The following RYR3 variants were observed in gnomAD, a reference collection of about 807,000 sequenced individuals.
The protein encoded by RYR3 is ryanodine receptor 3.
Under a neutral mutation model 584.3 loss-of-function variants are expected in RYR3, and 207 were observed. The observed-to-expected ratio is 0.35, with a 90% CI of 0.32 to 0.40. The LOEUF is 0.40. RYR3 is among the 10% of genes least tolerant of loss of function. The pLI, the probability that RYR3 is intolerant of heterozygous loss-of-function variation, is 1.00. For synonymous variants in RYR3, 2,416 were observed against 2,248.5 expected, an observed-to-expected ratio of 1.07 and a Z score of -2.11; for missense variants, 5,616 against 6,089.2, an observed-to-expected ratio of 0.92 and a Z score of 2.59.
In RYR3 at chr15:33,662,911, T is replaced by G; in HGVS notation, c.5381T>G (p.Leu1794Trp). Residue 1794 changes from leucine to tryptophan, a missense_variant, in exon 35 of 104, where the codon TTG becomes TGG. Around this residue, in one of 9 missense-constraint regions of RYR3, gnomAD observed 753 missense variants for 741.0 expected, o/e 1.02. Coordinates refer to ENST00000634891, the MANE Select transcript of RYR3 (RefSeq NM_001036.6). ...KAGKEAPVKG[L>W]LQTRLPESVK... ...GGCAAGGAGGCTCCTGTCAAAGGCT[T>G]GTTGCAGACTCGATTACCCGAATCC... 6.2e-7 allele frequency: 1 copy of G among 1,613,160 alleles called. No homozygotes were observed.
intron 1 of RYR3, among the ~76,000 whole-genome samples, chr15:33,369,496 T>C (rs530050254): frequency 2.6e-5 from 4 of 152,320 alleles, no homozygotes; most frequent in African/African-American, 7.2e-5. Flanking sequence ...AGTTTCTGTC[T>C]CTGTGTTTGA....
At chr15:33,554,888 G>T (rs910659367) in intron 10 of RYR3, among the ~76,000 whole-genome samples, 1 of 152,156 alleles carries the variant, frequency 6.6e-6, no homozygotes, top group Non-Finnish European at 1.5e-5. Context: ...TCAGGGAAGG[G>T]TGAATTAATA....
In RYR3 at chr15:33,701,075, G is replaced by A. The variant is rs771787332; in HGVS notation, c.6478G>A (p.Glu2160Lys). The change falls in exon 42 of 104, where the codon GAG becomes AAG. Residue 2160 changes from glutamate (E) to lysine (K), a missense_variant. Coordinates refer to ENST00000634891, the MANE Select transcript of RYR3 (RefSeq NM_001036.6). ...GCTGAGCTTAGAGGAACCAGACCTC[G>A]AGAAGGTAACCGGCCCTTGGGGTGG... The part of the protein sequence containing the change: ...LALSLEEPDL[E>K]KVVTYLAGCG... The A allele has an allele frequency of 5.0e-6, 8 of 1,610,656 alleles. No individual in the cohort carries two copies. The highest frequency in any genetic ancestry group is 2.2e-5 in the South Asian group (2 of 90,268).
chr15:33,408,081 G>A (rs184637484), intron 1 of RYR3, among the ~76,000 whole-genome samples: 2 of 151,532 alleles, frequency 1.3e-5, no homozygotes, highest in East Asian at 3.9e-4. Flanking sequence ...CTGGTATATT[G>A]CATGATGCTG....
chr15:33,861,557 C>A (rs990506488), intron 102 of RYR3, among the ~76,000 whole-genome samples: 9 of 151,666 alleles, frequency 5.9e-5, no homozygotes, highest in Non-Finnish European at 1.0e-4. Flanking sequence ...ACTTCTTTTT[C>A]CCTTTCAGCA....
intron 1 of RYR3, among the ~76,000 whole-genome samples, chr15:33,406,559 A>G (rs1292196656): frequency 6.6e-6 from 1 of 152,250 alleles, no homozygotes; most frequent in African/African-American, 2.4e-5. Flanking sequence ...AAGAATTGCC[A>G]TGAAACAGTG....
intron 1 of RYR3, among the ~76,000 whole-genome samples, chr15:33,406,628 A>G (rs78346705): frequency 0.031 from 4,749 of 152,334 alleles, 224 homozygotes; most frequent in African/African-American, 0.098. Flanking sequence ...CAGCAGAGGA[A>G]GCCACTTAGT....
rs539658946 is a variant in RYR3, at chr15:33,330,064, C to T, written c.51+18968C>T. 5.1e-4 allele frequency among the ~76,000 whole-genome samples: 78 copies of T among 152,280 alleles called. 1 individual carries two copies. Among genetic ancestry groups the T allele is most frequent in the African/African-American group, 1.7e-3 (72 of 41,568 alleles). The stretch of plus-strand genomic sequence containing the variant: ...GGCCTAGGGCACTCTGGGCCAAGAA[C>T]AGTCATAAGTCAGACTGGACAGTTT... On this transcript the variant is annotated intron_variant, in intron 1 of 103. Transcript: ENST00000634891.
chr15:33,716,833 A>G (rs2067526394), intron 43 of RYR3, among the ~76,000 whole-genome samples: 1 of 151,450 alleles, frequency 6.6e-6, no homozygotes, highest in African/African-American at 2.4e-5. Context: ...TAGTAAGTGA[A>G]GCCTGATACT....
intron 1 of RYR3, among the ~76,000 whole-genome samples, chr15:33,449,222 G>T (rs2046911085): frequency 1.3e-5 from 2 of 152,170 alleles, no homozygotes; most frequent in African/African-American, 4.8e-5. Flanking sequence ...GTGCTCCGCT[G>T]GGGGAGGATC....
chr15:33,666,427 C>A (rs936846686), intron 36 of RYR3, among the ~76,000 whole-genome samples: 1 of 152,154 alleles, frequency 6.6e-6, no homozygotes, highest in Non-Finnish European at 1.5e-5. Flanking sequence ...GGGACACTTA[C>A]CGCTATGAGA....
At chr15:33,705,500 G>T (rs1467835539) in intron 42 of RYR3, among the ~76,000 whole-genome samples, 1 of 152,188 alleles carries the variant, frequency 6.6e-6, no homozygotes, top group African/African-American at 2.4e-5. Flanking sequence ...CCTCTTCTCT[G>T]TGTATACATA....
At position 33,655,001 on chromosome 15, in the gene RYR3, G is replaced by A. The variant is rs564370276; in HGVS notation, c.4308+2118G>A. On this transcript the variant is annotated intron_variant, in intron 32 of 103. Transcript: ENST00000634891. ...AGAACAGATGGACCAAACCCTTCCTGGGGGCGGGGAGCAGCCTGTTGGCAC... is the reference window on the plus strand; with the variant it reads ...AGAACAGATGGACCAAACCCTTCCTAGGGGCGGGGAGCAGCCTGTTGGCAC... Among the ~76,000 whole-genome samples the A allele has an allele frequency of 1.4e-4, 21 of 152,296 alleles. 1 individual carries two copies. The South Asian group carries it at 4.1e-3, about 30-fold the overall frequency.
chr15:33,826,547 A>G, intron 83 of RYR3, 125 bp from the exon 84 acceptor site: 1 of 901,056 alleles, frequency 1.1e-6, no homozygotes, highest in Non-Finnish European at 1.8e-6. Flanking sequence ...TTCACCATTC[A>G]TCCAAAGTTC....
intron 1 of RYR3, among the ~76,000 whole-genome samples, chr15:33,360,477 A>C (rs72725462): frequency 6.6e-6 from 1 of 152,220 alleles, no homozygotes; most frequent in African/African-American, 2.4e-5. Flanking sequence ...ATTACTGAGT[A>C]CTATGACTTT....
At chr15:33,556,548 C>T (rs963716286) in intron 10 of RYR3, among the ~76,000 whole-genome samples, 4 of 152,184 alleles carry the variant, frequency 2.6e-5, no homozygotes, top group South Asian at 2.1e-4. Context: ...AGAGCTTATA[C>T]GATCATGATA....
intron 1 of RYR3, among the ~76,000 whole-genome samples, chr15:33,447,472 A>G (rs896476368): frequency 6.6e-6 from 1 of 152,066 alleles, no homozygotes; most frequent in Non-Finnish European, 1.5e-5. Flanking sequence ...TCCGAGCAGT[A>G]TTGGGATTTT....
At chr15:33,858,303 C>G (rs1184840475) in intron 99 of RYR3, 1 of 180,390 alleles carries the variant, frequency 5.5e-6, no homozygotes, top group African/African-American at 2.4e-5. Flanking sequence ...CTCTCAGGTT[C>G]AAGTGATTCT....
chr15:33,791,751 CA>C (rs1227319951), intron 67 of RYR3, among the ~76,000 whole-genome samples: 1 of 151,974 alleles, frequency 6.6e-6, no homozygotes, highest in African/African-American at 2.4e-5. Context: ...GTGAGTATAA[CA>C]AAAACAGGCT....
Sources: gnomAD v4.1 joint callset for allele counts (sites outside exome capture counted in the v4.1 genomes callset) on GRCh38, gnomAD v4.1.1 for gene constraint, gnomAD v4.1.1 regional missense constraint, MANE v1.5 for transcripts, NCBI Gene and HGNC (gene_info 2026-07-23, HGNC 2026-07-21) for gene names.